Variants in ANAPC1 observed in about 807,000 individuals in gnomAD.
ANAPC1 encodes anaphase-promoting complex subunit 1.
Under a neutral mutation model 208.0 loss-of-function variants are expected in ANAPC1, and 36 were observed. The ratio of observed to expected loss-of-function variants is 0.17; its 90% confidence interval spans 0.13 to 0.23. The LOEUF (loss-of-function observed/expected upper bound fraction) is 0.23. Among genes scored for constraint, ANAPC1 ranks in the 10% least tolerant of loss-of-function variants. The probability of loss-of-function intolerance (pLI) is 1.00; values close to 1 mark genes in which losing one functional copy is unlikely to be tolerated. For synonymous variants in ANAPC1, 378 were observed against 695.2 expected (o/e 0.54, Z 7.18); for missense variants, 942 against 2,011.6 (o/e 0.47, Z 10.17).
intron 3 of ANAPC1, among the ~76,000 whole-genome samples, 158 bp from the exon 4 acceptor site, chr2:111,873,822 AATTAG>A (rs1047245593): frequency 1.2e-4 from 12 of 100,550 alleles, no homozygotes; most frequent in Non-Finnish European, 1.5e-4. Context: ...AGAAAAAATA[AATTAG>A]AGTAATAAAT....
At chr2:111,799,218 A>C (rs1362173816) in intron 34 of ANAPC1, among the ~76,000 whole-genome samples, 1 of 152,256 alleles carries the variant, frequency 6.6e-6, no homozygotes, top group Non-Finnish European at 1.5e-5. Context: ...ATTAACAGTC[A>C]GCAGAGAAAT....
rs753197694 is a variant in ANAPC1 at position 111,872,662 on chromosome 2, A to G, written c.579T>C (p.Ala193=). ...AACCTGGAGGTACTTCATGTGAAGA[A>G]GCGCTTCGTTCAAACAGCAATCCAT... is the stretch of plus-strand genomic sequence containing the variant. ...TKYGLLFERS[A]SSHEVPPGSP... The change falls in exon 6 of 48, where the codon GCT becomes GCC. Residue 193 remains alanine, a synonymous_variant. Coordinates refer to ENST00000341068, the MANE Select transcript of ANAPC1 (RefSeq NM_022662.4). 36 of 1,613,608 alleles carry G rather than the reference A, an allele frequency of 2.2e-5. No individual in the cohort carries two copies. Among genetic ancestry groups the G allele is most frequent in the Non-Finnish European group, 3.1e-5 (36 of 1,179,674 alleles).
intron 15 of ANAPC1, 59 bp downstream of exon 15, chr2:111,847,666 T>G (rs572533583): frequency 1.1e-5 from 15 of 1,337,844 alleles, no homozygotes; most frequent in East Asian, 7.8e-5. Context: ...AATTCTGTAT[T>G]CTGTCAAATT....
chr2:111,767,060 G>A (rs1302468728), downstream of ANAPC1: 4 of 443,046 alleles, frequency 9.0e-6, no homozygotes, highest in Non-Finnish European at 1.9e-5. Context: ...GAGTGTATGT[G>A]TAAATTGTAT....
intron 13 of ANAPC1, among the ~76,000 whole-genome samples, chr2:111,851,465 T>C (rs914931454): frequency 1.3e-5 from 2 of 152,030 alleles, no homozygotes; most frequent in Non-Finnish European, 2.9e-5. Context: ...ACACATTATA[T>C]AAAAATCTGC....
At chr2:111,826,420 C>G (rs1245014825) in intron 21 of ANAPC1, among the ~76,000 whole-genome samples, 1 of 152,196 alleles carries the variant, frequency 6.6e-6, no homozygotes, top group African/African-American at 2.4e-5. Context: ...ACAGTTTTGT[C>G]TATCCTACAA....
Position 111,871,895 on chromosome 2 carries a change from A to G in ANAPC1, c.611+735T>C, listed in dbSNP as rs530355085. Among the ~76,000 whole-genome samples the G allele has an allele frequency of 3.3e-5, 5 of 152,160 alleles. No homozygotes were observed. The South Asian group carries it at 8.3e-4, about 25-fold the overall frequency. On this transcript the variant is annotated intron_variant, in intron 6 of 47. Transcript: ENST00000341068. Reference sequence around the variant, plus strand: ...ATCAAATCTAGGGGTCTTTTGGAGGAGTCTATAGGGTTTTCTAGGTATATA... The same window carrying G: ...ATCAAATCTAGGGGTCTTTTGGAGGGGTCTATAGGGTTTTCTAGGTATATA...
chr2:111,789,069 C>A (rs1373148056), intron 38 of ANAPC1, among the ~76,000 whole-genome samples: 4 of 152,194 alleles, frequency 2.6e-5, no homozygotes, highest in African/African-American at 9.6e-5. Context: ...ACCCGGGAGG[C>A]GGAGCTTGCA....
chr2:111,847,144 C>T lies in ANAPC1; in HGVS notation c.1846G>A (p.Glu616Lys), dbSNP rs1681136722. ...RITIPEIATSELVQTCLQAIK... is the reference protein window; with the variant it reads ...RITIPEIATSKLVQTCLQAIK... ...TGAAACTTCTCAATCGTACCTAACT[C>T]AGAGGTGGCAATTTCAGGAATAGTG... The change falls in exon 16 of 48, where the codon GAG (glutamate) becomes AAG (lysine). Residue 616 changes from glutamate to lysine, a missense_variant. Physicochemically the swap from Glu to Lys is moderately conservative, Grantham distance 56. Coordinates refer to ENST00000341068, the MANE Select transcript of ANAPC1 (RefSeq NM_022662.4). 6.2e-7 allele frequency: 1 copy of T among 1,608,406 alleles called. No homozygotes were observed. Among genetic ancestry groups the T allele is most frequent in the Non-Finnish European group, 8.5e-7 (1 of 1,177,082 alleles).
At chr2:111,823,721 T>C (rs1679674446) in intron 24 of ANAPC1, among the ~76,000 whole-genome samples, 1 of 152,030 alleles carries the variant, frequency 6.6e-6, no homozygotes, top group Non-Finnish European at 1.5e-5. Context: ...CAAAACTACA[T>C]AAGACCTAGC....
At chr2:111,824,216 T>C (rs1371761221) in intron 24 of ANAPC1, among the ~76,000 whole-genome samples, 1 of 141,706 alleles carries the variant, frequency 7.1e-6, no homozygotes, top group Non-Finnish European at 1.5e-5. Flanking sequence ...ATGCAACAGT[T>C]ATTGTCATTT....
intron 21 of ANAPC1, among the ~76,000 whole-genome samples, chr2:111,829,933 T>C (rs1442269623): frequency 6.6e-6 from 1 of 151,846 alleles, no homozygotes; most frequent in Admixed American, 6.6e-5. Flanking sequence ...TAGCCGGGCA[T>C]GGTGTGGGAT....
chr2:111,838,881 A>C (rs1176588707), intron 17 of ANAPC1, among the ~76,000 whole-genome samples: 2 of 152,210 alleles, frequency 1.3e-5, no homozygotes, highest in Non-Finnish European at 2.9e-5. Flanking sequence ...ACCCAATATC[A>C]GTCAAATGTT....
At chr2:111,793,245 G>A (rs1239732672) in intron 37 of ANAPC1, among the ~76,000 whole-genome samples, 1 of 151,788 alleles carries the variant, frequency 6.6e-6, no homozygotes, top group African/African-American at 2.4e-5. Context: ...TGTTGTTGTT[G>A]TTTTTTTTGG....
intron 38 of ANAPC1, among the ~76,000 whole-genome samples, chr2:111,788,674 AATGTATATGCCT>A (rs60157849): frequency 0.02 from 3,088 of 150,904 alleles, 40 homozygotes; most frequent in African/African-American, 0.07. Flanking sequence ...CAATTTTATT[AATGTATATGCCT>A]ATGTATATGC....
chr2:111,828,988 G>C (rs1355328401), intron 21 of ANAPC1, among the ~76,000 whole-genome samples: 1 of 152,174 alleles, frequency 6.6e-6, no homozygotes, highest in Non-Finnish European at 1.5e-5. Flanking sequence ...GCCAAGGTGG[G>C]CAGATCACCT....
At chr2:111,844,340 G>A (rs1341739661) in intron 16 of ANAPC1, among the ~76,000 whole-genome samples, 2 of 151,470 alleles carry the variant, frequency 1.3e-5, no homozygotes, top group African/African-American at 2.4e-5. Context: ...AGGTCAAGGC[G>A]GGTGGATCAC....
chr2:111,784,187 C>T (rs1677432598), intron 41 of ANAPC1, 136 bp downstream of exon 41: 2 of 1,202,796 alleles, frequency 1.7e-6, no homozygotes, highest in Admixed American at 3.8e-5. Flanking sequence ...TTCTTTCTGA[C>T]TTTTCCTCCT....
chr2:111,868,781 C>T (rs1682575308), intron 6 of ANAPC1, among the ~76,000 whole-genome samples: 1 of 152,210 alleles, frequency 6.6e-6, no homozygotes, highest in South Asian at 2.1e-4. Flanking sequence ...GATCCACCTG[C>T]CTCGGCCTCC....
Sources: gnomAD v4.1 joint callset for allele counts (sites outside exome capture counted in the v4.1 genomes callset) on GRCh38, gnomAD v4.1.1 for gene constraint, MANE v1.5 for transcripts, NCBI Gene and HGNC (gene_info 2026-07-23, HGNC 2026-07-21) for gene names.